The following PDGFRB variants were observed in gnomAD, a reference collection of about 807,000 sequenced individuals.
The protein encoded by PDGFRB is platelet-derived growth factor receptor beta.
In PDGFRB, 42 loss-of-function variants were observed where a neutral mutation model predicts 120.2. That is an observed-to-expected ratio of 0.35 (90% CI 0.27 to 0.45). PDGFRB has a LOEUF of 0.45. PDGFRB is among the 20% of genes least tolerant of loss of function. PDGFRB has a pLI of 1.00. For missense variants in PDGFRB, 1,149 were observed against 1,476.3 expected (o/e 0.78, Z 3.63); for synonymous variants, 586 against 606.8 (o/e 0.97, Z 0.50).
chr5:150,141,770 A>G (rs1275105110), intron 1 of PDGFRB, among the ~76,000 whole-genome samples: 1 of 148,210 alleles, frequency 6.7e-6, no homozygotes, highest in Non-Finnish European at 1.5e-5. Flanking sequence ...GTGTGTGTGT[A>G]CACGCGCACG....
At chr5:150,128,245 C>T (rs564650657) in intron 10 of PDGFRB, among the ~76,000 whole-genome samples, 11 of 152,262 alleles carry the variant, frequency 7.2e-5, no homozygotes, top group Non-Finnish European at 1.5e-4. Flanking sequence ...GCTGGTCTTC[C>T]ACTCAGGCTG....
intron 4 of PDGFRB, 184 bp from the exon 5 acceptor site, chr5:150,134,192 T>C (rs1760558477): frequency 1.6e-6 from 1 of 617,816 alleles, no homozygotes; most frequent in African/African-American, 1.8e-5. Flanking sequence ...GGAGCAACAG[T>C]AGTGAACAAA....
chr5:150,115,054 C>T lies in PDGFRB; in HGVS notation c.*709G>A, dbSNP rs1759883467. On this transcript the variant is annotated 3_prime_UTR_variant, in exon 23 of 23. Transcript: ENST00000261799. ...CTGATGGGCCTGAAGGACAGGGACA[C>T]AGGCACTTGCTATGGCTGCGTGTGC... 2 of 233,116 alleles carry T rather than the reference C, an allele frequency of 8.6e-6. No individual in the cohort carries two copies. Among genetic ancestry groups the T allele is most frequent in the African/African-American group, 2.2e-5 (1 of 45,326 alleles). 14.4% of individuals were successfully genotyped at this position (233,116 alleles called of 1,614,324 possible). A position where few individuals can be genotyped will look rare whatever the true frequency, so the allele number is the denominator to read the frequency against.
chr5:150,148,138 C>G (rs1015631292), intron 1 of PDGFRB, among the ~76,000 whole-genome samples: 1 of 152,174 alleles, frequency 6.6e-6, no homozygotes, highest in Non-Finnish European at 1.5e-5. Context: ...CTAGCACACT[C>G]GGCGATTCGG....
At position 150,132,127 on chromosome 5, in the gene PDGFRB, G is replaced by A. The variant is rs751882509; in HGVS notation, c.1128-33C>T. 36 of 1,161,162 alleles carry A rather than the reference G, an allele frequency of 3.1e-5. No individual in the cohort carries two copies. Among genetic ancestry groups the A allele is most frequent in the Non-Finnish European group, 4.4e-5 (34 of 768,694 alleles). 71.9% of individuals were successfully genotyped at this position (1,161,162 alleles called of 1,614,324 possible). On this transcript the variant is annotated intron_variant, in intron 7 of 22. Coordinates refer to ENST00000261799, the MANE Select transcript of PDGFRB (RefSeq NM_002609.4). This position sits in a 1 kb window ranked among gnomAD's most constrained non-coding sequence, Gnocchi z 5.0. ...GCAGGAAAGGCAGCTGTCAGAGTCG[G>A]AAGGACTCTTACAGTTCTCCCCACC...
At chr5:150,140,608 G>GGCACAGA (rs1302697862) in intron 1 of PDGFRB, among the ~76,000 whole-genome samples, 1 of 152,304 alleles carries the variant, frequency 6.6e-6, no homozygotes, top group Admixed American at 6.5e-5. Flanking sequence ...CCAAGTCCGG[G>GGCACAGA]GCACAGAGTG....
Position 150,120,058 on chromosome 5 carries a change from G to A in PDGFRB, c.2652C>T (p.Ser884=), listed in dbSNP as rs748969998. 1.7e-5 allele frequency: 27 copies of A among 1,607,964 alleles called. No homozygotes were observed. Among genetic ancestry groups the A allele is most frequent in the African/African-American group, 9.4e-5 (7 of 74,822 alleles). Residue 884 remains serine, a synonymous_variant, in exon 19 of 23, where the codon AGC becomes AGT. Coordinates refer to ENST00000261799, the MANE Select transcript of PDGFRB (RefSeq NM_002609.4). This position sits in a 1 kb window ranked among gnomAD's most constrained non-coding sequence, Gnocchi z 4.3. Reference sequence around the variant, plus strand: ...GCAGGATCCCGAAGGACCACACGTCGCTCAGGGTGGTGTAGAGGCTGTTGA... The same window carrying A: ...GCAGGATCCCGAAGGACCACACGTCACTCAGGGTGGTGTAGAGGCTGTTGA... ...SIFNSLYTTL[S]DVWSFGILLW...
At position 150,123,127 on chromosome 5, in the gene PDGFRB, A is replaced by G. The variant is rs1760194909; in HGVS notation, c.2098T>C (p.Phe700Leu). ...VDYLHRNKHT[F>L]LQHHSDKRRP... ...CGCTTGTCGGAGTGGTGCTGCAGGA[A>G]GGTGTGTTTGTTGCGGTGCAGGTAG... Residue 700 changes from phenylalanine (F) to leucine (L), a missense_variant, in exon 15 of 23, where the codon TTC becomes CTC. Around this residue, in one of 3 missense-constraint regions of PDGFRB, gnomAD observed 879 missense variants for 1,108.6 expected, o/e 0.79. Coordinates refer to ENST00000261799, the MANE Select transcript of PDGFRB (RefSeq NM_002609.4). 1 of 1,614,032 alleles carries G rather than the reference A, an allele frequency of 6.2e-7. No homozygotes were observed.
intron 1 of PDGFRB, among the ~76,000 whole-genome samples, chr5:150,139,360 T>G (rs1760718640): frequency 6.6e-6 from 1 of 152,072 alleles, no homozygotes; most frequent in Non-Finnish European, 1.5e-5. Flanking sequence ...TGAGCGAGTC[T>G]CCAGCCTCTC....
At chr5:150,130,708 G>A (rs1365147422) in intron 8 of PDGFRB, 46 bp from the exon 9 acceptor site, 1 of 1,596,642 alleles carries the variant, frequency 6.3e-7, no homozygotes, top group South Asian at 1.1e-5. Flanking sequence ...GGTCAGGACA[G>A]TTAACAGGAC....
chr5:150,131,377 A>C, intron 8 of PDGFRB, among the ~76,000 whole-genome samples: 1 of 152,040 alleles, frequency 6.6e-6, no homozygotes, highest in East Asian at 1.9e-4. Flanking sequence ...ATATCCACTA[A>C]GCTAATGTCC....
intron 4 of PDGFRB, chr5:150,134,225 T>TG (rs1760559273): frequency 6.8e-6 from 4 of 586,312 alleles, no homozygotes; most frequent in Non-Finnish European, 1.2e-5. Flanking sequence ...TCTGTTCTTA[T>TG]GGAGCTGACG....
intron 3 of PDGFRB, 147 bp downstream of exon 3, chr5:150,135,408 C>T: frequency 1.5e-6 from 1 of 671,636 alleles, no homozygotes; most frequent in Non-Finnish European, 2.6e-6. Context: ...GAACACACTC[C>T]CCGACTGAGC....
chr5:150,136,966 C>T (rs773260339), intron 2 of PDGFRB, 42 bp downstream of exon 2: 11 of 1,548,000 alleles, frequency 7.1e-6, no homozygotes, highest in East Asian at 2.2e-5. Context: ...GGTTCCACTC[C>T]GCAGCCCCCC....
At chr5:150,126,974 T>G (rs1269036540) in intron 10 of PDGFRB, among the ~76,000 whole-genome samples, 1 of 152,208 alleles carries the variant, frequency 6.6e-6, no homozygotes, top group Non-Finnish European at 1.5e-5. Context: ...CCCTGAGGGC[T>G]GGGTTGTGGC....
At chr5:150,123,886 C>T (rs967286977) in intron 14 of PDGFRB, among the ~76,000 whole-genome samples, 1 of 152,192 alleles carries the variant, frequency 6.6e-6, no homozygotes, top group African/African-American at 2.4e-5. Context: ...ATGAAGGTAG[C>T]TCCCAAGTAG....
chr5:150,127,466 AACCAC>A (rs1453177950), intron 10 of PDGFRB, among the ~76,000 whole-genome samples: 3 of 152,128 alleles, frequency 2.0e-5, no homozygotes, highest in Non-Finnish European at 4.4e-5. Flanking sequence ...CAGTCCCTAA[AACCAC>A]ACCTGGCACA....
At chr5:150,154,590 G>A (rs1761178569) in intron 1 of PDGFRB, among the ~76,000 whole-genome samples, 2 of 152,228 alleles carry the variant, frequency 1.3e-5, no homozygotes, top group Admixed American at 1.3e-4. Flanking sequence ...AGCCATAGGC[G>A]GATCCTGGGC....
chr5:150,148,383 G>A (rs1760981884), intron 1 of PDGFRB, among the ~76,000 whole-genome samples: 1 of 152,242 alleles, frequency 6.6e-6, no homozygotes, highest in Non-Finnish European at 1.5e-5. Flanking sequence ...TCAGTCCTGG[G>A]CCCTCGGCTG....
Sources: gnomAD v4.1 joint callset for allele counts (sites outside exome capture counted in the v4.1 genomes callset) on GRCh38, gnomAD v4.1.1 for gene constraint, gnomAD v4.1.1 regional missense constraint, Gnocchi (gnomAD v3.1) non-coding constraint, MANE v1.5 for transcripts, NCBI Gene and HGNC (gene_info 2026-07-23, HGNC 2026-07-21) for gene names.